Variants in EYS observed in about 807,000 individuals in gnomAD.
EYS encodes the protein protein eyes shut homolog.
In EYS, 250 loss-of-function variants were observed where a neutral mutation model predicts 282.1. That is an observed-to-expected ratio of 0.89 (90% CI 0.80 to 0.98). The LOEUF (loss-of-function observed/expected upper bound fraction) is 0.98, where lower values mean the gene tolerates loss of function less well. EYS is among the 50% of genes least tolerant of loss of function. The pLI is 0.00. For synonymous variants in EYS, 1,355 were observed against 1,282.9 expected, an observed-to-expected ratio of 1.06 and a Z score of -1.20; for missense variants, 4,016 against 3,709.0, an observed-to-expected ratio of 1.08 and a Z score of -2.15.
intron 31 of EYS, among the ~76,000 whole-genome samples, chr6:64,134,894 T>C (rs1166489954): frequency 2.0e-5 from 3 of 152,124 alleles, no homozygotes; most frequent in African/African-American, 7.2e-5. Context: ...TTTCTGGGCA[T>C]ATGCTAGGTG....
intron 22 of EYS, among the ~76,000 whole-genome samples, chr6:64,799,471 G>T (rs941985019): frequency 1.3e-5 from 2 of 151,528 alleles, no homozygotes; most frequent in Admixed American, 6.6e-5. Flanking sequence ...CTAAAATATT[G>T]TAAGCTTATT....
intron 26 of EYS, among the ~76,000 whole-genome samples, chr6:64,558,967 T>C (rs1304320474): frequency 6.6e-6 from 1 of 152,178 alleles, no homozygotes; most frequent in African/African-American, 2.4e-5. Context: ...GGAAGAAAGA[T>C]AAGAGTGTCC....
chr6:65,546,283 T>G (rs1197075958), intron 2 of EYS, among the ~76,000 whole-genome samples: 2 of 149,886 alleles, frequency 1.3e-5, no homozygotes, highest in Non-Finnish European at 3.0e-5. Flanking sequence ...TACCTCAGCC[T>G]CCAAAAATTC....
intron 13 of EYS, among the ~76,000 whole-genome samples, chr6:65,045,356 T>C (rs1215050188): frequency 6.6e-6 from 1 of 151,902 alleles, no homozygotes; most frequent in African/African-American, 2.4e-5. Context: ...AACCTTGCCA[T>C]TGTATCCTGC....
chr6:65,221,024 G>T (rs1258728278), intron 12 of EYS, among the ~76,000 whole-genome samples: 2 of 152,162 alleles, frequency 1.3e-5, no homozygotes, highest in Non-Finnish European at 2.9e-5. Flanking sequence ...GCAGCAAAGT[G>T]TTCAAGAAGT....
Position 65,065,167 on chromosome 6 carries a change from A to C in EYS, c.2024-7440T>G, listed in dbSNP as rs563202902. On this transcript the variant is annotated intron_variant, in intron 12 of 42. Transcript: ENST00000503581. The stretch of plus-strand genomic sequence containing the variant: ...GTTTATAGAGCAGGTGTCAATTAAT[A>C]GGCATGTATTAAAATTTGGGGTGAC... Among the ~76,000 whole-genome samples, 7 of 152,244 alleles carry C rather than the reference A, an allele frequency of 4.6e-5. No homozygotes were observed. The South Asian group carries it at 1.4e-3, about 32-fold the overall frequency.
intron 28 of EYS, among the ~76,000 whole-genome samples, chr6:64,423,047 CATTT>C (rs1774287793): frequency 6.6e-6 from 1 of 151,672 alleles, no homozygotes; most frequent in South Asian, 2.1e-4. Context: ...ATATTTAATT[CATTT>C]ATTCATTCAT....
intron 2 of EYS, among the ~76,000 whole-genome samples, chr6:65,516,430 A>C (rs530926715): frequency 6.6e-6 from 1 of 152,180 alleles, no homozygotes; most frequent in South Asian, 2.1e-4. Context: ...ATGAAGGGAG[A>C]AATTATGACA....
intron 13 of EYS, among the ~76,000 whole-genome samples, chr6:65,034,991 C>T (rs1325817798): frequency 6.6e-6 from 1 of 152,052 alleles, no homozygotes; most frequent in Non-Finnish European, 1.5e-5. Flanking sequence ...CAATTTAGTA[C>T]CACATCAAAG....
intron 2 of EYS, among the ~76,000 whole-genome samples, chr6:65,572,953 A>G (rs1309510173): frequency 1.3e-5 from 2 of 152,164 alleles, no homozygotes; most frequent in Non-Finnish European, 2.9e-5. Flanking sequence ...AGATGTTATC[A>G]AGACAATTGA....
intron 15 of EYS, among the ~76,000 whole-genome samples, chr6:64,913,682 T>C (rs1045244741): frequency 5.3e-5 from 8 of 152,150 alleles, no homozygotes; most frequent in African/African-American, 1.7e-4. Flanking sequence ...GTTGGTTCCA[T>C]GATTTTGCTC....
chr6:64,889,470 C>A (rs777889491), intron 18 of EYS, among the ~76,000 whole-genome samples: 1 of 151,868 alleles, frequency 6.6e-6, no homozygotes, highest in South Asian at 2.1e-4. Flanking sequence ...CCTTTTGAAC[C>A]CTTTGTTAGT....
chr6:64,858,414 G>A lies in EYS; in HGVS notation c.2992+28283C>T, dbSNP rs143960461. 1.9e-3 allele frequency among the ~76,000 whole-genome samples: 294 copies of A among 152,022 alleles called. 4 individuals are homozygous for A. In the East Asian group the frequency reaches 0.037, roughly 19 times the overall value. ...AAAAATCGCTTAAGCATAAATATGT[G>A]GGCTTTTTTTTGGGTTTTCTATCCT... On this transcript the variant is annotated intron_variant, in intron 19 of 42. Transcript: ENST00000503581.
At chr6:64,191,368 C>T (rs1000810124) in intron 31 of EYS, among the ~76,000 whole-genome samples, 3 of 151,816 alleles carry the variant, frequency 2.0e-5, no homozygotes, top group African/African-American at 7.3e-5. Context: ...TTTTAGGGTA[C>T]ATGTGCACAA....
intron 22 of EYS, among the ~76,000 whole-genome samples, chr6:64,643,507 G>C (rs1346517444): frequency 6.6e-6 from 1 of 152,180 alleles, no homozygotes; most frequent in Non-Finnish European, 1.5e-5. Context: ...GTGGTCCTGG[G>C]CAGAGTTGGG....
intron 12 of EYS, among the ~76,000 whole-genome samples, chr6:65,117,052 G>A (rs558992118): frequency 3.9e-5 from 6 of 152,178 alleles, no homozygotes; most frequent in Non-Finnish European, 1.5e-5. Context: ...CCAGTCAAAT[G>A]TGAGTAGGTG....
chr6:64,107,291 A>ATATATATATATATATATT (rs1554208119), intron 31 of EYS, among the ~76,000 whole-genome samples: 8 of 110,670 alleles, frequency 7.2e-5, no homozygotes, highest in Non-Finnish European at 1.3e-4. Flanking sequence ...ATATTTATAT[A>ATATATATATATATATATT]TATATATATA....
At chr6:64,279,660 T>G (rs1312408540) in intron 30 of EYS, among the ~76,000 whole-genome samples, 1 of 152,226 alleles carries the variant, frequency 6.6e-6, no homozygotes, top group Non-Finnish European at 1.5e-5. Context: ...CAGCTAAATT[T>G]TATCCTTAGG....
chr6:65,138,034 T>G (rs562944994), intron 12 of EYS, among the ~76,000 whole-genome samples: 2 of 152,160 alleles, frequency 1.3e-5, no homozygotes, highest in African/African-American at 2.4e-5. Flanking sequence ...TGTAATGTTT[T>G]GTACAAAAAG....
Sources: gnomAD v4.1 joint callset for allele counts (sites outside exome capture counted in the v4.1 genomes callset) on GRCh38, gnomAD v4.1.1 for gene constraint, MANE v1.5 for transcripts, NCBI Gene and HGNC (gene_info 2026-07-23, HGNC 2026-07-21) for gene names.